Variants in ARMC1 observed in about 807,000 individuals in gnomAD.
The protein encoded by ARMC1 is armadillo repeat-containing protein 1.
In ARMC1, 16 loss-of-function variants were observed where a neutral mutation model predicts 31.4. The observed-to-expected ratio is 0.51, with a 90% CI of 0.34 to 0.77. ARMC1 has a LOEUF of 0.77. Ranked by LOEUF, ARMC1 falls within the 30% of genes least tolerant of loss-of-function variation. The pLI, the probability that ARMC1 is intolerant of heterozygous loss-of-function variation, is 0.01. For synonymous variants in ARMC1, 114 were observed against 118.9 expected, an observed-to-expected ratio of 0.96 and a Z score of 0.27; for missense variants, 259 against 347.5, an observed-to-expected ratio of 0.75 and a Z score of 2.02.
rs1043315820 is a variant in ARMC1, at chr8:65,619,047, A to AAAAC, written c.275+3212_275+3215dup. Among the ~76,000 whole-genome samples the AAAAC allele has an allele frequency of 3.5e-4, 54 of 152,266 alleles. No individual in the cohort carries two copies. In the Middle Eastern group the frequency reaches 0.014, roughly 38 times the overall value. ...TACAGAGCGAGACTCCATCTCACAAAAAACAAACAAACAAACAGAAAAAGG... is the reference window on the plus strand; with the variant it reads ...TACAGAGCGAGACTCCATCTCACAAAAAACAAACAAACAAACAAACAGAAAAAGG... On this transcript the variant is annotated intron_variant, in intron 3 of 6. Transcript: ENST00000276569.
chr8:65,619,561 G>A (rs115071581), intron 3 of ARMC1, among the ~76,000 whole-genome samples: 2,283 of 151,752 alleles, frequency 0.015, 70 homozygotes, highest in African/African-American at 0.052. Context: ...AGAAATTTTC[G>A]AGCAGCTGGG....
At chr8:65,621,652 G>C (rs1808396125) in intron 3 of ARMC1, among the ~76,000 whole-genome samples, 1 of 151,876 alleles carries the variant, frequency 6.6e-6, no homozygotes, top group Non-Finnish European at 1.5e-5. Context: ...GGGATTACAG[G>C]CACGTGCCAC....
chr8:65,605,620 G>A, intron 4 of ARMC1, 82 bp from the exon 5 acceptor site: 8 of 982,344 alleles, frequency 8.1e-6, no homozygotes, highest in Admixed American at 7.7e-5. Context: ...TATTTTGGAG[G>A]GGGGAAGAGA....
chr8:65,608,021 T>C (rs1457723030), intron 4 of ARMC1, among the ~76,000 whole-genome samples: 1 of 152,208 alleles, frequency 6.6e-6, no homozygotes, highest in African/African-American at 2.4e-5. Context: ...CTGATTTCCA[T>C]ATATTTAATA....
chr8:65,620,542 T>C (rs1563417398), intron 3 of ARMC1, among the ~76,000 whole-genome samples: 2 of 150,546 alleles, frequency 1.3e-5, no homozygotes, highest in African/African-American at 4.9e-5. Context: ...CCTCAGGTGA[T>C]CACCTGCCTC....
At chr8:65,611,135 T>C (rs1808131212) in intron 4 of ARMC1, among the ~76,000 whole-genome samples, 1 of 152,122 alleles carries the variant, frequency 6.6e-6, no homozygotes, top group African/African-American at 2.4e-5. Context: ...GATTTTACCA[T>C]GTTGGCCAGG....
At position 65,632,167 on chromosome 8, in the gene ARMC1, C is replaced by T. The variant is rs75930585; in HGVS notation, c.-36+1831G>A. ...AAAACTCTGTAAGATGGCCAGGTACCATGGCTCAGGCCGGTAATCCAAGCA... is the reference window on the plus strand; with the variant it reads ...AAAACTCTGTAAGATGGCCAGGTACTATGGCTCAGGCCGGTAATCCAAGCA... On this transcript the variant is annotated intron_variant, in intron 1 of 6. Transcript: ENST00000276569. 2.9e-4 allele frequency among the ~76,000 whole-genome samples: 44 copies of T among 152,148 alleles called. No individual in the cohort carries two copies. In the East Asian group the frequency reaches 7.9e-3, roughly 27 times the overall value.
intron 4 of ARMC1, among the ~76,000 whole-genome samples, chr8:65,608,310 T>G (rs931846947): frequency 6.6e-6 from 1 of 152,158 alleles, no homozygotes; most frequent in Non-Finnish European, 1.5e-5. Flanking sequence ...GTGGATCACC[T>G]GAGGTCAGGA....
chr8:65,618,414 C>T (rs931326914), intron 3 of ARMC1, among the ~76,000 whole-genome samples: 4 of 147,458 alleles, frequency 2.7e-5, no homozygotes, highest in Non-Finnish European at 4.5e-5. Flanking sequence ...CCCAGCTACT[C>T]GGGAGGCCGA....
intron 4 of ARMC1, among the ~76,000 whole-genome samples, chr8:65,610,838 T>C (rs977422171): frequency 2.0e-5 from 3 of 152,218 alleles, no homozygotes; most frequent in Non-Finnish European, 2.9e-5. Context: ...GTCATCTGTT[T>C]CTTCTTGAGT....
At chr8:65,632,724 G>A (rs1808672723) in intron 1 of ARMC1, among the ~76,000 whole-genome samples, 2 of 152,164 alleles carry the variant, frequency 1.3e-5, no homozygotes, top group Non-Finnish European at 2.9e-5. Flanking sequence ...TACTCCAGGG[G>A]TTGAGGCAGG....
chr8:65,620,908 G>C (rs1050994753), intron 3 of ARMC1, among the ~76,000 whole-genome samples: 2 of 151,980 alleles, frequency 1.3e-5, no homozygotes, highest in Non-Finnish European at 2.9e-5. Flanking sequence ...AGCAGCCTAG[G>C]CAACATAGTG....
intron 4 of ARMC1, among the ~76,000 whole-genome samples, chr8:65,609,732 C>T (rs1284222654): frequency 6.6e-6 from 1 of 151,698 alleles, no homozygotes; most frequent in African/African-American, 2.4e-5. Context: ...GTGGCGGGCA[C>T]CTGTAGTCCC....
At chr8:65,606,791 C>T (rs547427297) in intron 4 of ARMC1, among the ~76,000 whole-genome samples, 31 of 152,312 alleles carry the variant, frequency 2.0e-4, no homozygotes, top group African/African-American at 7.2e-4. Context: ...TTAGCCATCA[C>T]TAACATTACT....
At chr8:65,627,517 T>C in intron 1 of ARMC1, 84 bp from the exon 2 acceptor site, 1 of 712,754 alleles carries the variant, frequency 1.4e-6, no homozygotes, top group South Asian at 4.4e-5. Flanking sequence ...ACAACACCTT[T>C]AGAAAGAATC....
intron 2 of ARMC1, among the ~76,000 whole-genome samples, chr8:65,625,681 A>G (rs1808496749): frequency 1.3e-5 from 2 of 151,874 alleles, no homozygotes; most frequent in South Asian, 4.1e-4. Flanking sequence ...CATTTTTCCC[A>G]TTTGTTACTA....
chr8:65,615,199 T>C (rs1808223517), intron 3 of ARMC1, among the ~76,000 whole-genome samples: 1 of 152,166 alleles, frequency 6.6e-6, no homozygotes, highest in Non-Finnish European at 1.5e-5. Context: ...AGAGATAAGT[T>C]ACTTTGGGTG....
intron 4 of ARMC1, among the ~76,000 whole-genome samples, chr8:65,610,715 ACCAATGATTT>A (rs1038608182): frequency 2.6e-5 from 4 of 151,870 alleles, no homozygotes; most frequent in African/African-American, 9.7e-5. Context: ...AAATTTAAAA[ACCAATGATTT>A]CCAGACACCA....
intron 3 of ARMC1, among the ~76,000 whole-genome samples, chr8:65,621,540 G>A (rs976082107): frequency 1.3e-5 from 2 of 152,114 alleles, no homozygotes; most frequent in Non-Finnish European, 2.9e-5. Flanking sequence ...ACACAGTCTC[G>A]CTCTGTTGCC....
Sources: gnomAD v4.1 joint callset for allele counts (sites outside exome capture counted in the v4.1 genomes callset) on GRCh38, gnomAD v4.1.1 for gene constraint, MANE v1.5 for transcripts, NCBI Gene and HGNC (gene_info 2026-07-23, HGNC 2026-07-21) for gene names.